The following SDK1 variants were observed in gnomAD, a reference collection of about 807,000 sequenced individuals.
SDK1 encodes sidekick cell adhesion molecule 1, also known as protein sidekick-1.
In SDK1, 157 loss-of-function variants were observed where a neutral mutation model predicts 245.5. That is an observed-to-expected ratio of 0.64 (90% CI 0.56 to 0.73). The LOEUF is 0.73. SDK1 is among the 30% of genes least tolerant of loss of function. The pLI is 0.00. For missense variants in SDK1, 3,583 were observed against 3,002.3 expected, an observed-to-expected ratio of 1.19 and a Z score of -4.52; for synonymous variants, 1,647 against 1,278.5, an observed-to-expected ratio of 1.29 and a Z score of -6.15.
chr7:4,186,513 C>T (rs117545003), intron 35 of SDK1, among the ~76,000 whole-genome samples: 17 of 152,328 alleles, frequency 1.1e-4, no homozygotes, highest in Admixed American at 4.6e-4. Flanking sequence ...GTGGTTCCCT[C>T]GACCCTTAGC....
At chr7:3,316,653 A>G (rs1779669635) in intron 1 of SDK1, among the ~76,000 whole-genome samples, 1 of 152,164 alleles carries the variant, frequency 6.6e-6, no homozygotes, top group Admixed American at 6.5e-5. Flanking sequence ...ATGCCCTAGT[A>G]GATGTACACA....
At chr7:3,365,506 A>G (rs771262375) in intron 1 of SDK1, among the ~76,000 whole-genome samples, 2 of 152,172 alleles carry the variant, frequency 1.3e-5, no homozygotes, top group Non-Finnish European at 2.9e-5. Context: ...AACTTATTTC[A>G]TTATATATTT....
chr7:3,583,404 T>G (rs1780578746), intron 1 of SDK1, among the ~76,000 whole-genome samples: 1 of 152,190 alleles, frequency 6.6e-6, no homozygotes, highest in Non-Finnish European at 1.5e-5. Flanking sequence ...TACCTTGAAC[T>G]CAGCTTCTGT....
intron 4 of SDK1, among the ~76,000 whole-genome samples, chr7:3,784,596 A>G (rs746934724): frequency 6.6e-5 from 10 of 152,248 alleles, no homozygotes; most frequent in Non-Finnish European, 1.3e-4. Flanking sequence ...AATGGCTGAC[A>G]GATACATGAA....
chr7:4,053,448 C>T (rs1353494484), intron 19 of SDK1, among the ~76,000 whole-genome samples: 2 of 152,068 alleles, frequency 1.3e-5, no homozygotes, highest in Non-Finnish European at 2.9e-5. Context: ...GTCTTCATGG[C>T]GCTATTACTT....
intron 13 of SDK1, 50 bp from the exon 14 acceptor site, chr7:3,987,136 A>G (rs1274681778): frequency 1.9e-6 from 3 of 1,605,368 alleles, no homozygotes; most frequent in Non-Finnish European, 2.6e-6. Context: ...CTCACCATGG[A>G]TTCTGACATG....
intron 4 of SDK1, among the ~76,000 whole-genome samples, chr7:3,815,427 C>T (rs1277509922): frequency 8.8e-5 from 13 of 146,960 alleles, no homozygotes; most frequent in South Asian, 4.5e-4. Context: ...TATTGATTTG[C>T]GTATATTGAA....
intron 1 of SDK1, among the ~76,000 whole-genome samples, chr7:3,487,097 A>T (rs1177607960): frequency 6.6e-6 from 1 of 152,232 alleles, no homozygotes; most frequent in African/African-American, 2.4e-5. Flanking sequence ...TGTAAATGCA[A>T]GTGCAGCTCT....
chr7:3,880,778 T>A (rs913969048), intron 5 of SDK1, among the ~76,000 whole-genome samples: 6 of 152,084 alleles, frequency 3.9e-5, no homozygotes, highest in Non-Finnish European at 8.8e-5. Flanking sequence ...TTCCCGGGCC[T>A]CCAGAGGCTG....
chr7:3,323,837 T>A (rs1271802737), intron 1 of SDK1, among the ~76,000 whole-genome samples: 1 of 152,230 alleles, frequency 6.6e-6, no homozygotes, highest in East Asian at 1.9e-4. Flanking sequence ...CATTTTTGAA[T>A]TCTGCCTAGC....
At chr7:3,569,655 A>T (rs1430039039) in intron 1 of SDK1, among the ~76,000 whole-genome samples, 1 of 152,216 alleles carries the variant, frequency 6.6e-6, no homozygotes, top group East Asian at 1.9e-4. Flanking sequence ...ACAAGAGCAG[A>T]CCCTCAGGAA....
chr7:3,317,055 C>G (rs1413860947), intron 1 of SDK1, among the ~76,000 whole-genome samples: 3 of 151,466 alleles, frequency 2.0e-5, no homozygotes, highest in Admixed American at 6.6e-5. Context: ...GTGGTGTGCA[C>G]TTGTCGTCCC....
Position 4,130,029 on chromosome 7 carries a change from TGGCGTTCACCCGCATCGGGAAC to T in SDK1, c.4064_4085del (p.Ala1355GlyfsTer21). On this transcript the variant is annotated frameshift_variant, in exon 27 of 45. Transcript: ENST00000404826. LOFTEE classifies it high-confidence loss of function. ...TTCGTGCTCTACGAGCTCCAGGTGCTGGCGTTCACCCGCATCGGGAACGGGGTCCCCAGCACGCCCCTCATCC... is the reference window on the plus strand; with the variant it reads ...TTCGTGCTCTACGAGCTCCAGGTGCTGGGGTCCCCAGCACGCCCCTCATCC... 1 of 1,613,492 alleles carries T rather than the reference TGGCGTTCACCCGCATCGGGAAC, an allele frequency of 6.2e-7. No individual in the cohort carries two copies. The highest frequency in any genetic ancestry group is 1.1e-5 in the South Asian group (1 of 91,048).
intron 14 of SDK1, among the ~76,000 whole-genome samples, chr7:4,005,463 C>G (rs1425639653): frequency 6.8e-6 from 1 of 147,188 alleles, no homozygotes; most frequent in African/African-American, 2.5e-5. Flanking sequence ...ATTGCAGGTA[C>G]TTCCTGCTGC....
intron 17 of SDK1, among the ~76,000 whole-genome samples, chr7:4,032,217 A>T (rs1282129006): frequency 6.6e-6 from 1 of 152,222 alleles, no homozygotes; most frequent in African/African-American, 2.4e-5. Context: ...CCAACAGTAC[A>T]TTTAAAACAG....
At chr7:3,803,585 A>G (rs543637148) in intron 4 of SDK1, among the ~76,000 whole-genome samples, 16 of 151,988 alleles carry the variant, frequency 1.1e-4, no homozygotes, top group African/African-American at 3.9e-4. Context: ...TGCTGAGATT[A>G]CAGGCTTGAG....
At chr7:3,588,541 C>T (rs776618276) in intron 1 of SDK1, among the ~76,000 whole-genome samples, 45 of 152,232 alleles carry the variant, frequency 3.0e-4, no homozygotes, top group Non-Finnish European at 5.4e-4. Context: ...GTGCCAGGTC[C>T]TGCGATCCTG....
Position 4,265,583 on chromosome 7 carries a change from G to T in SDK1, c.*199G>T. 2.2e-6 allele frequency: 3 copies of T among 1,343,812 alleles called. No individual in the cohort carries two copies. The East Asian group carries it at 9.1e-5, about 41-fold the overall frequency. The allele number at this position is 1,343,812 out of a possible 1,614,324, so 83.2% of individuals were successfully genotyped here. A position where few individuals can be genotyped will look rare whatever the true frequency, so the allele number is the denominator to read the frequency against. On this transcript the variant is annotated 3_prime_UTR_variant, in exon 45 of 45. Transcript: ENST00000404826. ...TTAAACGGCTTTTTGTAACTTCGCT[G>T]CAGGAAGCAGGTTTGTTTCTTTTTC...
chr7:3,655,173 C>A (rs1207623852), intron 4 of SDK1, among the ~76,000 whole-genome samples: 1 of 151,284 alleles, frequency 6.6e-6, no homozygotes, highest in East Asian at 1.9e-4. Context: ...GTGACTCACA[C>A]CTGTAATCCC....
Sources: allele counts gnomAD v4.1 joint callset (sites outside exome capture counted in the v4.1 genomes callset), GRCh38; gene constraint gnomAD v4.1.1; transcripts MANE v1.5; gene names NCBI Gene and HGNC (gene_info 2026-07-23, HGNC 2026-07-21).